Variants in STK32B observed in about 807,000 individuals in gnomAD.
The protein encoded by STK32B is serine/threonine-protein kinase 32B.
STK32B carries 43 observed loss-of-function variants against 52.6 expected under a neutral mutation model. That is an observed-to-expected ratio of 0.82 (90% confidence interval 0.64 to 1.05). The LOEUF (loss-of-function observed/expected upper bound fraction) is 1.05, where lower values mean the gene tolerates loss of function less well. Ranked by LOEUF, STK32B falls within the 50% of genes least tolerant of loss-of-function variation. The probability of loss-of-function intolerance (pLI) is 0.00; values close to 1 mark genes in which losing one functional copy is unlikely to be tolerated. For synonymous variants in STK32B, 238 were observed against 204.3 expected, an observed-to-expected ratio of 1.17 and a Z score of -1.41; for missense variants, 621 against 534.6, an observed-to-expected ratio of 1.16 and a Z score of -1.59.
At chr4:5,217,251 G>T (rs1723233781) in intron 3 of STK32B, among the ~76,000 whole-genome samples, 1 of 152,178 alleles carries the variant, frequency 6.6e-6, no homozygotes. Context: ...GCAGGATTAT[G>T]ATTGACTGAT....
chr4:5,061,444 G>T (rs1228595638), intron 1 of STK32B, among the ~76,000 whole-genome samples: 1 of 152,092 alleles, frequency 6.6e-6, no homozygotes, highest in Non-Finnish European at 1.5e-5. Flanking sequence ...CCATTATTTG[G>T]TAACCCTGTG....
chr4:5,125,891 A>G lies in STK32B; in HGVS notation c.53-14014A>G, dbSNP rs187791355. ...AAGGGGCTGCCTCTTATTCCCATCT[A>G]GGAGAATTGTTCAGTGATCTGCCCC... On this transcript the variant is annotated intron_variant, in intron 1 of 11. Transcript: ENST00000282908. Among the ~76,000 whole-genome samples, 16 of 152,150 alleles carry G rather than the reference A, an allele frequency of 1.1e-4. No homozygotes were observed. The East Asian group carries it at 2.9e-3, about 28-fold the overall frequency.
the STK32B span, among the ~76,000 whole-genome samples, chr4:5,034,048 G>T: frequency 6.6e-6 from 1 of 152,096 alleles, no homozygotes; most frequent in East Asian, 1.9e-4. Context: ...CTTTACAAAA[G>T]AAGAAGGAAA....
chr4:5,233,652 G>T (rs955402052), intron 3 of STK32B, among the ~76,000 whole-genome samples: 1 of 151,230 alleles, frequency 6.6e-6, no homozygotes, highest in African/African-American at 2.4e-5. Flanking sequence ...AAGGAGAGAA[G>T]TTATTACTGG....
At chr4:5,082,207 G>A (rs1712478439) in intron 1 of STK32B, among the ~76,000 whole-genome samples, 1 of 151,854 alleles carries the variant, frequency 6.6e-6, no homozygotes, top group Non-Finnish European at 1.5e-5. Flanking sequence ...CCCATTTGTT[G>A]TCCCGAAGGA....
chr4:5,081,400 G>C (rs1560141522), intron 1 of STK32B, among the ~76,000 whole-genome samples: 1 of 152,022 alleles, frequency 6.6e-6, no homozygotes, highest in Non-Finnish European at 1.5e-5. Context: ...CTGGATGTCC[G>C]TATATCTCCG....
intron 4 of STK32B, among the ~76,000 whole-genome samples, chr4:5,385,740 A>G (rs952770705): frequency 6.6e-6 from 1 of 152,002 alleles, no homozygotes; most frequent in Admixed American, 6.6e-5. Flanking sequence ...TGGAACCTAC[A>G]CAGCCTCCTG....
intron 4 of STK32B, among the ~76,000 whole-genome samples, chr4:5,348,450 C>T (rs1392941602): frequency 1.3e-5 from 2 of 152,164 alleles, no homozygotes; most frequent in Non-Finnish European, 2.9e-5. Context: ...CATTCCCCAC[C>T]CATAGCCGTT....
At chr4:5,340,323 G>T (rs769517566) in intron 4 of STK32B, among the ~76,000 whole-genome samples, 4 of 152,194 alleles carry the variant, frequency 2.6e-5, no homozygotes, top group Non-Finnish European at 5.9e-5. Flanking sequence ...TGGGGCAGGG[G>T]CCGAGTTGGC....
rs77201081 is a variant in STK32B at position 5,423,836 on chromosome 4, G to A, written c.562+6902G>A. Among the ~76,000 whole-genome samples, 789 of 152,268 alleles carry A rather than the reference G, an allele frequency of 5.2e-3. 24 individuals are homozygous for A. In the East Asian group the frequency reaches 0.076, roughly 15 times the overall value. On this transcript the variant is annotated intron_variant, in intron 6 of 11. Coordinates refer to ENST00000282908, the MANE Select transcript of STK32B (RefSeq NM_018401.3). Reference sequence around the variant, plus strand: ...GAGGCCTGTCTGCAGTGCAGGAGGCGCAGCCAGGGCTCCATGCTCCACAGA... The same window carrying A: ...GAGGCCTGTCTGCAGTGCAGGAGGCACAGCCAGGGCTCCATGCTCCACAGA...
rs1441948124 is a variant in STK32B at position 5,398,313 on chromosome 4, G to A, written c.472+69G>A. 6.4e-7 allele frequency: 1 copy of A among 1,556,910 alleles called. No homozygotes were observed. The highest frequency in any genetic ancestry group is 8.8e-7 in the Non-Finnish European group (1 of 1,132,066). The stretch of plus-strand genomic sequence containing the variant: ...TTTGAGGCACTGGGAAATAGTGCGG[G>A]GGTGGGGGTTGGGTCTTGCTGAGTT... On this transcript the variant is annotated intron_variant, in intron 5 of 11. Transcript: ENST00000282908. This position sits in a 1 kb window ranked among gnomAD's most constrained non-coding sequence, Gnocchi z 4.9.
chr4:5,304,013 C>T (rs1729748531), intron 3 of STK32B, among the ~76,000 whole-genome samples: 1 of 152,088 alleles, frequency 6.6e-6, no homozygotes, highest in East Asian at 1.9e-4. Context: ...TTTTTGAGTT[C>T]TCTATTCTGT....
chr4:5,329,406 G>C (rs1230644964), intron 3 of STK32B, among the ~76,000 whole-genome samples: 2 of 152,148 alleles, frequency 1.3e-5, no homozygotes, highest in African/African-American at 4.8e-5. Context: ...TCCCGCCATG[G>C]GTCATGCTGT....
chr4:5,463,630 CAT>C (rs1717207505), intron 9 of STK32B, among the ~76,000 whole-genome samples: 1 of 152,160 alleles, frequency 6.6e-6, no homozygotes, highest in Non-Finnish European at 1.5e-5. Flanking sequence ...CCTTCACACA[CAT>C]GCACACTCCC....
At chr4:5,230,431 C>A (rs1724184083) in intron 3 of STK32B, among the ~76,000 whole-genome samples, 1 of 152,014 alleles carries the variant, frequency 6.6e-6, no homozygotes, top group East Asian at 1.9e-4. Flanking sequence ...CTCAGCTGAT[C>A]CACCCGCTTT....
intron 2 of STK32B, among the ~76,000 whole-genome samples, chr4:5,158,143 A>T (rs1021570455): frequency 1.3e-5 from 2 of 152,158 alleles, no homozygotes; most frequent in African/African-American, 4.8e-5. Context: ...ATTACTGACC[A>T]GCTTGGTGGA....
chr4:5,320,895 C>T (rs967585207), intron 3 of STK32B, among the ~76,000 whole-genome samples: 1 of 152,092 alleles, frequency 6.6e-6, no homozygotes, highest in Non-Finnish European at 1.5e-5. Context: ...ATGGGAAATA[C>T]ATTCTTAGTG....
chr4:5,246,144 C>G (rs986291582), intron 3 of STK32B, among the ~76,000 whole-genome samples: 4 of 152,222 alleles, frequency 2.6e-5, no homozygotes, highest in Admixed American at 2.6e-4. Flanking sequence ...GGGAAGTTCT[C>G]TTGGATAATA....
At position 5,467,355 on chromosome 4, in the gene STK32B, G is replaced by T. The variant is rs999966559; in HGVS notation, c.1041+521G>T. Among the ~76,000 whole-genome samples the T allele has an allele frequency of 2.9e-4, 44 of 152,192 alleles. No individual in the cohort carries two copies. Among genetic ancestry groups the T allele is most frequent in the African/African-American group, 1.0e-3 (43 of 41,462 alleles). The stretch of plus-strand genomic sequence containing the variant: ...CCGTCCTTGGCTCCCCAGGCTTCGA[G>T]TGGCGGCCGGCCCCCTTGTCCTTCG... On this transcript the variant is annotated intron_variant, in intron 10 of 11. Transcript: ENST00000282908. The surrounding 1 kb of genome is among the most constrained non-coding windows in gnomAD (Gnocchi z 5.8).
Sources: allele counts gnomAD v4.1 joint callset (sites outside exome capture counted in the v4.1 genomes callset), GRCh38; gene constraint gnomAD v4.1.1; non-coding constraint Gnocchi (gnomAD v3.1); transcripts MANE v1.5; gene names NCBI Gene and HGNC (gene_info 2026-07-23, HGNC 2026-07-21).